SPAG6: variants seen among roughly 807,000 people sequenced by gnomAD.
SPAG6 encodes sperm associated antigen 6.
In SPAG6, 49 loss-of-function variants were observed where a neutral mutation model predicts 58.5. The ratio of observed to expected loss-of-function variants is 0.84; its 90% CI spans 0.67 to 1.06. The LOEUF (loss-of-function observed/expected upper bound fraction) is 1.06. Among genes scored for constraint, SPAG6 ranks in the 50% least tolerant of loss-of-function variants. The pLI is 0.00. For missense variants in SPAG6, 560 were observed against 611.3 expected, an observed-to-expected ratio of 0.92 and a Z score of 0.89; for synonymous variants, 233 against 225.6, an observed-to-expected ratio of 1.03 and a Z score of -0.29.
chr10:22,400,261 G>C (rs1834378566), intron 8 of SPAG6, among the ~76,000 whole-genome samples: 1 of 152,060 alleles, frequency 6.6e-6, no homozygotes, highest in Non-Finnish European at 1.5e-5. Flanking sequence ...AAGCCATAAG[G>C]GAGCACTGAA....
intron 8 of SPAG6, among the ~76,000 whole-genome samples, chr10:22,396,902 A>G (rs1391309156): frequency 1.3e-5 from 2 of 152,198 alleles, no homozygotes; most frequent in Non-Finnish European, 2.9e-5. Context: ...TGACATCGTC[A>G]TATATTGTAT....
intron 10 of SPAG6, chr10:22,411,724 G>A (rs151216331): frequency 2.0e-5 from 3 of 151,768 alleles, no homozygotes; most frequent in Admixed American, 6.6e-5. Context: ...TTTAAATGAA[G>A]TTGATTTGCA....
At chr10:22,414,823 A>G (rs1339909854) in intron 10 of SPAG6, among the ~76,000 whole-genome samples, 4 of 152,160 alleles carry the variant, frequency 2.6e-5, no homozygotes, top group African/African-American at 7.2e-5. Flanking sequence ...CTGGAGTTCA[A>G]TGGCGTGATC....
At chr10:22,346,072 C>A (rs1378403924) in intron 2 of SPAG6, 3 of 1,521,146 alleles carry the variant, frequency 2.0e-6, no homozygotes, top group Non-Finnish European at 1.8e-6. Flanking sequence ...AAAGTCGAGG[C>A]CCTAGGAATT....
intron 4 of SPAG6, among the ~76,000 whole-genome samples, chr10:22,376,477 A>G (rs894649632): frequency 1.3e-5 from 2 of 152,230 alleles, no homozygotes; most frequent in Non-Finnish European, 2.9e-5. Context: ...TAGCACATAA[A>G]ATTACTGTGT....
At chr10:22,356,939 C>T (rs533192036) in intron 2 of SPAG6, among the ~76,000 whole-genome samples, 1 of 152,290 alleles carries the variant, frequency 6.6e-6, no homozygotes, top group African/African-American at 2.4e-5. Flanking sequence ...GTTCAAAATA[C>T]TTAAAATCGT....
At chr10:22,365,359 T>C (rs766613970) in intron 3 of SPAG6, among the ~76,000 whole-genome samples, 1 of 152,166 alleles carries the variant, frequency 6.6e-6, no homozygotes, top group Non-Finnish European at 1.5e-5. Context: ...CAGCAGTCCT[T>C]ATATGCTGGT....
intron 8 of SPAG6, among the ~76,000 whole-genome samples, chr10:22,398,561 T>C (rs1015267910): frequency 5.9e-5 from 9 of 152,148 alleles, no homozygotes; most frequent in African/African-American, 2.2e-4. Flanking sequence ...ACCCTATCTC[T>C]ACAAAAAACA....
intron 8 of SPAG6, among the ~76,000 whole-genome samples, chr10:22,400,757 C>A (rs1281770018): frequency 6.6e-6 from 1 of 151,964 alleles, no homozygotes; most frequent in East Asian, 1.9e-4. Flanking sequence ...TAATGACATT[C>A]TTCAAAAAAC....
intron 2 of SPAG6, among the ~76,000 whole-genome samples, chr10:22,364,495 G>T (rs902232205): frequency 2.0e-5 from 3 of 152,146 alleles, no homozygotes; most frequent in South Asian, 2.1e-4. Context: ...TGCAAAGTCT[G>T]GGGGGAAGCC....
chr10:22,371,485 C>T (rs1273987173), intron 4 of SPAG6, among the ~76,000 whole-genome samples: 4 of 152,178 alleles, frequency 2.6e-5, no homozygotes, highest in African/African-American at 9.7e-5. Context: ...AACTCCTCAC[C>T]TTGTAATCCG....
intron 8 of SPAG6, among the ~76,000 whole-genome samples, chr10:22,400,579 G>A (rs1834389104): frequency 6.6e-6 from 1 of 151,724 alleles, no homozygotes; most frequent in Non-Finnish European, 1.5e-5. Context: ...GTGTTGAGAA[G>A]ATCTGTAGTT....
intron 6 of SPAG6, 86 bp from the exon 7 acceptor site, chr10:22,389,074 G>T (rs1221921092): frequency 1.8e-6 from 2 of 1,131,118 alleles, no homozygotes; most frequent in South Asian, 1.9e-5. Flanking sequence ...TTGTTTTTAG[G>T]TTCTAAATAG....
At chr10:22,362,347 G>T (rs1588640575) in intron 2 of SPAG6, among the ~76,000 whole-genome samples, 1 of 151,198 alleles carries the variant, frequency 6.6e-6, no homozygotes, top group African/African-American at 2.4e-5. Flanking sequence ...CCTCATTAAT[G>T]CATTTATTAT....
Position 22,365,037 on chromosome 10 carries a change from CTAGT to C in SPAG6, c.288+21_288+24del, listed in dbSNP as rs771341520. The C allele has an allele frequency of 4.3e-5, 67 of 1,555,870 alleles. No homozygotes were observed. The highest frequency in any genetic ancestry group is 5.7e-5 in the Non-Finnish European group (65 of 1,147,958). On this transcript the variant is annotated intron_variant, in intron 3 of 10. Transcript: ENST00000376624. ...AACAGAATGTAAGAATTAAAAAAAA[CTAGT>C]TATATGTTTTTTTGTTTTAGATTTT...
intron 2 of SPAG6, among the ~76,000 whole-genome samples, chr10:22,350,383 A>G (rs1836689045): frequency 1.3e-5 from 2 of 152,204 alleles, no homozygotes; most frequent in African/African-American, 4.8e-5. Flanking sequence ...ATTGGTACAT[A>G]GTAGAAAATA....
At chr10:22,360,191 A>G (rs550556008) in intron 2 of SPAG6, among the ~76,000 whole-genome samples, 2 of 152,280 alleles carry the variant, frequency 1.3e-5, no homozygotes, top group East Asian at 3.9e-4. Context: ...AGAAAACTTA[A>G]GTCATATATG....
intron 4 of SPAG6, among the ~76,000 whole-genome samples, chr10:22,379,062 A>G (rs759578592): frequency 1.3e-5 from 2 of 152,238 alleles, no homozygotes; most frequent in Non-Finnish European, 2.9e-5. Context: ...GGCAAGAAAG[A>G]TAGAAATGAT....
intron 4 of SPAG6, among the ~76,000 whole-genome samples, chr10:22,375,183 G>A (rs371850365): frequency 8.5e-5 from 13 of 152,278 alleles, no homozygotes; most frequent in East Asian, 3.9e-4. Context: ...AGTCACTGGC[G>A]TATAAATCTG....
Sources: gnomAD v4.1 joint callset for allele counts (sites outside exome capture counted in the v4.1 genomes callset) on GRCh38, gnomAD v4.1.1 for gene constraint, MANE v1.5 for transcripts, NCBI Gene and HGNC (gene_info 2026-07-23, HGNC 2026-07-21) for gene names.